The following FGR variants were observed in gnomAD, a reference collection of about 807,000 sequenced individuals.
FGR encodes tyrosine-protein kinase Fgr.
FGR carries 26 observed loss-of-function variants against 63.2 expected under a neutral mutation model. The ratio of observed to expected loss-of-function variants is 0.41; its 90% CI spans 0.30 to 0.57. FGR has a LOEUF of 0.57. FGR is among the 20% of genes least tolerant of loss of function. The probability of loss-of-function intolerance (pLI) is 0.27; values close to 1 mark genes in which losing one functional copy is unlikely to be tolerated. For missense variants in FGR, 511 were observed against 690.8 expected, an observed-to-expected ratio of 0.74 and a Z score of 2.92; for synonymous variants, 286 against 277.7, an observed-to-expected ratio of 1.03 and a Z score of -0.30.
chr1:27,614,761 C>T, intron 10 of FGR, 89 bp downstream of exon 10: 1 of 1,383,684 alleles, frequency 7.2e-7, no homozygotes, highest in Non-Finnish European at 1.0e-6. Flanking sequence ...GGGGGCGGGG[C>T]CGCCCTCCCA....
rs1298427765 is a variant in FGR, at chr1:27,614,461, G to A, written c.1218C>T (p.Leu406=). ...AGGGGTTGTACTCATCGTCCTTGATGAGACGCGCCAAGCCAAAGTCTGCGA... is the reference window on the plus strand; with the variant it reads ...AGGGGTTGTACTCATCGTCCTTGATAAGACGCGCCAAGCCAAAGTCTGCGA... ...CKIADFGLAR[L]IKDDEYNPCQ... Residue 406 remains leucine (L), a synonymous_variant, in exon 11 of 13, where the codon CTC becomes CTT. Coordinates refer to ENST00000374005, the MANE Select transcript of FGR (RefSeq NM_005248.3). 3 of 1,613,506 alleles carry A rather than the reference G, an allele frequency of 1.9e-6. No homozygotes were observed. Among genetic ancestry groups the A allele is most frequent in the Non-Finnish European group, 2.5e-6 (3 of 1,179,800 alleles).
chr1:27,616,922 C>G lies in FGR; in HGVS notation c.617G>C (p.Gly206Ala). 5.0e-6 allele frequency: 8 copies of G among 1,614,238 alleles called. No homozygotes were observed. The highest frequency in any genetic ancestry group is 6.8e-6 in the Non-Finnish European group (8 of 1,180,034). ...AACCCGTGTGGTGATGTAGTAGCCG[C>G]CCATGTCCAGTTTGCGGATCTTGTA... Reference protein sequence around the residue: ...KHYKIRKLDMGGYYITTRVQF... With the variant: ...KHYKIRKLDMAGYYITTRVQF... Residue 206 changes from glycine (G) to alanine (A), a missense_variant, in exon 7 of 13, where the codon GGC (glycine) becomes GCC (alanine). Physicochemically the swap from Gly to Ala is moderately conservative, Grantham distance 60 (BLOSUM62 0). Transcript: ENST00000374005. This position sits in a 1 kb window ranked among gnomAD's most constrained non-coding sequence, Gnocchi z 4.3.
chr1:27,616,393 G>C lies in FGR; in HGVS notation c.682+464C>G, dbSNP rs1372123566. 1.3e-5 allele frequency among the ~76,000 whole-genome samples: 2 copies of C among 152,074 alleles called. No individual in the cohort carries two copies. The highest frequency in any genetic ancestry group is 3.9e-4 in the East Asian group (2 of 5,184). ...TCTGGCCTCCACCACCTCTCACCTGGACAACAGCCACTGCCTTCTAATGGA... is the reference window on the plus strand; with the variant it reads ...TCTGGCCTCCACCACCTCTCACCTGCACAACAGCCACTGCCTTCTAATGGA... On this transcript the variant is annotated intron_variant, in intron 7 of 12. Transcript: ENST00000374005. This position sits in a 1 kb window ranked among gnomAD's most constrained non-coding sequence, Gnocchi z 4.3.
intron 1 of FGR, chr1:27,626,355 A>G: frequency 2.5e-6 from 1 of 397,234 alleles, no homozygotes; most frequent in Non-Finnish European, 4.4e-6. Context: ...GTCCTAGAAG[A>G]AAGGGCCCCC....
chr1:27,632,434 T>C (rs1204449494), intron 1 of FGR, among the ~76,000 whole-genome samples: 1 of 152,028 alleles, frequency 6.6e-6, no homozygotes, highest in Non-Finnish European at 1.5e-5. Flanking sequence ...CACCGTGCCC[T>C]GCCTTCATTA....
At chr1:27,621,067 A>C (rs1474442078) in intron 5 of FGR, among the ~76,000 whole-genome samples, 1 of 151,338 alleles carries the variant, frequency 6.6e-6, no homozygotes, top group Non-Finnish European at 1.5e-5. Context: ...AAAGAAAAAG[A>C]AAAATTCTTG....
intron 5 of FGR, among the ~76,000 whole-genome samples, chr1:27,619,663 TG>T (rs1308275184): frequency 3.9e-5 from 6 of 152,280 alleles, no homozygotes; most frequent in East Asian, 1.9e-4. Flanking sequence ...TAGCATGGGC[TG>T]GTTGCCTGCC....
intron 1 of FGR, among the ~76,000 whole-genome samples, chr1:27,633,030 C>T (rs2090128966): frequency 6.6e-6 from 1 of 152,158 alleles, no homozygotes; most frequent in East Asian, 1.9e-4. Context: ...CTCATATGCT[C>T]AAGGGTTCAT....
At chr1:27,619,930 C>T (rs2089888810) in intron 5 of FGR, among the ~76,000 whole-genome samples, 1 of 152,184 alleles carries the variant, frequency 6.6e-6, no homozygotes, top group African/African-American at 2.4e-5. Flanking sequence ...CTCTTCAATC[C>T]CTTCTTTTCT....
At position 27,627,447 on chromosome 1, in the gene FGR, A is replaced by AACACACACACACAC. The variant is rs3076985; in HGVS notation, c.-76-2310_-76-2297dup. Reference sequence around the variant, plus strand: ...CTGCACATAGATGTGCATGCACATGAACACACACACACACACACACACACA... The same window carrying AACACACACACACAC: ...CTGCACATAGATGTGCATGCACATGAACACACACACACACACACACACACACACACACACACACA... On this transcript the variant is annotated intron_variant, in intron 1 of 12. Coordinates refer to ENST00000374005, the MANE Select transcript of FGR (RefSeq NM_005248.3). Among the ~76,000 whole-genome samples the AACACACACACACAC allele has an allele frequency of 1.8e-3, 272 of 148,490 alleles. 3 individuals are homozygous for AACACACACACACAC. Among genetic ancestry groups the AACACACACACACAC allele is most frequent in the African/African-American group, 6.3e-3 (253 of 40,480 alleles).
At position 27,612,934 on chromosome 1, in the gene FGR, G is replaced by C. The variant is rs755064154; in HGVS notation, c.1570C>G (p.Gln524Glu). The part of the protein sequence containing the change: ...DYFTSAEPQY[Q>E]PGDQT ...ACAGGCTATGTCTGATCCCCGGGCT[G>C]GTACTGTGGTTCAGCGGAGGTGAAG... The change falls in exon 13 of 13, where the codon CAG (glutamine) becomes GAG (glutamate). Residue 524 changes from glutamine to glutamate, a missense_variant. Coordinates refer to ENST00000374005, the MANE Select transcript of FGR (RefSeq NM_005248.3). The C allele has an allele frequency of 1.2e-6, 2 of 1,613,994 alleles. No individual in the cohort carries two copies. The highest frequency in any genetic ancestry group is 2.7e-5 in the African/African-American group (2 of 75,026).
intron 4 of FGR, among the ~76,000 whole-genome samples, chr1:27,622,344 C>T (rs1027988799): frequency 6.6e-6 from 1 of 151,364 alleles, no homozygotes; most frequent in Admixed American, 6.6e-5. Context: ...CCTCTCTAGC[C>T]TCTGTTCTCT....
chr1:27,631,859 T>A (rs995259392), intron 1 of FGR, among the ~76,000 whole-genome samples: 3 of 152,036 alleles, frequency 2.0e-5, no homozygotes, highest in Admixed American at 6.5e-5. Context: ...GAAACCACCA[T>A]CCTGCAAGAG....
rs1288218429 is a variant in FGR at position 27,632,139 on chromosome 1, TC to T, written c.-77+2925del. Among the ~76,000 whole-genome samples, 42 of 148,386 alleles carry T rather than the reference TC, an allele frequency of 2.8e-4. 1 individual carries two copies. The highest frequency in any genetic ancestry group is 9.7e-4 in the African/African-American group (39 of 40,136). The stretch of plus-strand genomic sequence containing the variant: ...TCTTTGTTCTTCTTCTTCTTCTTCT[TC>T]TTTTTTTTTTTTTTGAAACAGTGTC... On this transcript the variant is annotated intron_variant, in intron 1 of 12. Coordinates refer to ENST00000374005, the MANE Select transcript of FGR (RefSeq NM_005248.3).
chr1:27,621,042 G>C (rs369182614), intron 5 of FGR, among the ~76,000 whole-genome samples: 1 of 77,180 alleles, frequency 1.3e-5, no homozygotes, highest in African/African-American at 4.6e-5. Flanking sequence ...GAAAAGAAAA[G>C]AAAAACAAAA....
At chr1:27,623,654 A>C in intron 3 of FGR, 37 bp downstream of exon 3, 1 of 1,602,800 alleles carries the variant, frequency 6.2e-7, no homozygotes, top group Non-Finnish European at 8.5e-7. Flanking sequence ...TTCTCCCAGG[A>C]TCCAGGCAGC....
At chr1:27,618,169 A>C (rs1408373440) in intron 5 of FGR, among the ~76,000 whole-genome samples, 1 of 152,144 alleles carries the variant, frequency 6.6e-6, no homozygotes, top group Non-Finnish European at 1.5e-5. Context: ...GGCATTGGCA[A>C]GTGGTGTGTC....
At chr1:27,619,907 C>T (rs1557732078) in intron 5 of FGR, among the ~76,000 whole-genome samples, 1 of 152,256 alleles carries the variant, frequency 6.6e-6, no homozygotes, top group Non-Finnish European at 1.5e-5. Flanking sequence ...CCTGGATTCT[C>T]ACTCTGCAAA....
At chr1:27,613,173 C>T (rs776234087) in intron 12 of FGR, 46 bp downstream of exon 12, 1 of 1,609,988 alleles carries the variant, frequency 6.2e-7, no homozygotes, top group Non-Finnish European at 8.5e-7. Context: ...GGAAGCCCTT[C>T]CCCGTGACCA....
Sources: allele counts gnomAD v4.1 joint callset (sites outside exome capture counted in the v4.1 genomes callset), GRCh38; gene constraint gnomAD v4.1.1; non-coding constraint Gnocchi (gnomAD v3.1); transcripts MANE v1.5; gene names NCBI Gene and HGNC (gene_info 2026-07-23, HGNC 2026-07-21).